The following NISCH variants were observed in gnomAD, a reference collection of about 807,000 sequenced individuals.
NISCH encodes the protein I-1 receptor candidate protein.
Under a neutral mutation model 138.4 loss-of-function variants are expected in NISCH, and 55 were observed. The ratio of observed to expected loss-of-function variants is 0.40; its 90% CI spans 0.32 to 0.50. The LOEUF is 0.50. NISCH is among the 20% of genes least tolerant of loss of function. NISCH has a pLI of 0.71. For synonymous variants in NISCH, 860 were observed against 861.5 expected, an observed-to-expected ratio of 1.00 and a Z score of 0.03; for missense variants, 1,643 against 2,005.5, an observed-to-expected ratio of 0.82 and a Z score of 3.45.
chr3:52,468,936 A>C (rs1439705942), intron 3 of NISCH, among the ~76,000 whole-genome samples: 2 of 152,198 alleles, frequency 1.3e-5, no homozygotes, highest in African/African-American at 4.8e-5. Flanking sequence ...CAATGTAAAA[A>C]TGAAAAACCT....
At chr3:52,480,810 T>C (rs953832269) in intron 13 of NISCH, 5 of 1,507,454 alleles carry the variant, frequency 3.3e-6, no homozygotes, top group South Asian at 2.5e-5. Context: ...TGTGGACCCA[T>C]GGAAGACCAG....
intron 19 of NISCH, among the ~76,000 whole-genome samples, 177 bp downstream of exon 19, chr3:52,491,010 C>G (rs1212037860): frequency 6.6e-6 from 1 of 152,258 alleles, no homozygotes; most frequent in African/African-American, 2.4e-5. Flanking sequence ...AGAACTCACG[C>G]TCCAGGGCTC....
chr3:52,485,685 A>T (rs1707383628), intron 14 of NISCH, 93 bp from the exon 15 acceptor site: 2 of 1,385,464 alleles, frequency 1.4e-6, no homozygotes, highest in African/African-American at 1.4e-5. Flanking sequence ...GCGGTGATGG[A>T]GGGCAGAATG....
intron 6 of NISCH, 99 bp downstream of exon 6, chr3:52,472,497 C>T: frequency 1.8e-6 from 2 of 1,110,300 alleles, no homozygotes; most frequent in Non-Finnish European, 2.7e-6. Context: ...AGGTGCTGTG[C>T]TTTCGTGTTT....
intron 13 of NISCH, among the ~76,000 whole-genome samples, chr3:52,483,379 T>C (rs147471320): frequency 1.2e-4 from 18 of 152,304 alleles, no homozygotes; most frequent in African/African-American, 4.3e-4. Context: ...CTAGGGCTCC[T>C]GTAGGCCTCA....
chr3:52,457,699 T>C, intron 1 of NISCH, 144 bp from the exon 2 acceptor site: 1 of 686,512 alleles, frequency 1.5e-6, no homozygotes, highest in Non-Finnish European at 2.7e-6. Context: ...CAGCCTGACT[T>C]TGGCCTTGGG....
chr3:52,470,322 AG>A (rs1278447622), intron 3 of NISCH, among the ~76,000 whole-genome samples: 1 of 152,160 alleles, frequency 6.6e-6, no homozygotes, highest in East Asian at 1.9e-4. Context: ...TGAATCTGGA[AG>A]GGATGAACAC....
intron 11 of NISCH, among the ~76,000 whole-genome samples, chr3:52,478,973 A>C (rs570026418): frequency 6.6e-6 from 1 of 152,146 alleles, no homozygotes; most frequent in South Asian, 2.1e-4. Flanking sequence ...GACACCCTTA[A>C]CCAGGTTCAC....
chr3:52,485,441 G>A (rs925383369), intron 14 of NISCH, among the ~76,000 whole-genome samples: 4 of 152,196 alleles, frequency 2.6e-5, no homozygotes, highest in African/African-American at 7.2e-5. Context: ...AGTTAGGGTC[G>A]GACCAAATTT....
At chr3:52,459,621 A>T (rs891720505) in intron 3 of NISCH, among the ~76,000 whole-genome samples, 5 of 151,750 alleles carry the variant, frequency 3.3e-5, no homozygotes, top group African/African-American at 4.8e-5. Flanking sequence ...TTTAGTAGAG[A>T]TGGGGTTTCA....
At chr3:52,459,456 C>T (rs959228273) in intron 3 of NISCH, among the ~76,000 whole-genome samples, 23 of 152,282 alleles carry the variant, frequency 1.5e-4, no homozygotes, top group African/African-American at 4.8e-4. Context: ...GCTTTTGAGA[C>T]GGAGTCTTGC....
At chr3:52,481,002 C>T (rs1438379453) in intron 13 of NISCH, 25 of 1,414,386 alleles carry the variant, frequency 1.8e-5, no homozygotes, top group South Asian at 3.2e-5. Context: ...CAGGAAAGGA[C>T]GCCGCCTGCC....
At chr3:52,473,537 A>G (rs1707007964) in intron 6 of NISCH, among the ~76,000 whole-genome samples, 197 bp from the exon 7 acceptor site, 1 of 152,128 alleles carries the variant, frequency 6.6e-6, no homozygotes, top group South Asian at 2.1e-4. Context: ...CACCTTTCTT[A>G]CTAGATACTT....
chr3:52,457,927 G>T lies in NISCH; in HGVS notation c.177+1G>T, dbSNP rs1375603768. 2 of 1,603,734 alleles carry T rather than the reference G, an allele frequency of 1.2e-6. No homozygotes were observed. The highest frequency in any genetic ancestry group is 1.7e-6 in the Non-Finnish European group (2 of 1,171,272). On this transcript the variant is annotated splice_donor_variant, in intron 2 of 20. Transcript: ENST00000345716. LOFTEE classifies it high-confidence loss of function. ...CGACTTCCATGACCTGCATGAAAAG[G>T]TAACTGTTAAGAGCTGGGAGCACGT...
Position 52,455,613 on chromosome 3 carries a change from C to G in NISCH, c.-29C>G. ...GCCCCCTGCTGCTGCTAGTCTGCGCCGGGCGGCGGTGGCGGCGGAGACCCG... is the reference window on the plus strand; with the variant it reads ...GCCCCCTGCTGCTGCTAGTCTGCGCGGGGCGGCGGTGGCGGCGGAGACCCG... On this transcript the variant is annotated 5_prime_UTR_variant, in exon 1 of 21. Transcript: ENST00000345716. 2 of 1,293,824 alleles carry G rather than the reference C, an allele frequency of 1.5e-6. No homozygotes were observed. Among genetic ancestry groups the G allele is most frequent in the Non-Finnish European group, 2.0e-6 (2 of 1,014,460 alleles). 80.1% of individuals were successfully genotyped at this position (1,293,824 alleles called of 1,614,324 possible). A position where few individuals can be genotyped will look rare whatever the true frequency, so the allele number is the denominator to read the frequency against.
rs774588760 is a variant in NISCH, at chr3:52,487,249, T to G, written c.1757T>G (p.Ile586Ser). 3 of 1,614,102 alleles carry G rather than the reference T, an allele frequency of 1.9e-6. No individual in the cohort carries two copies. Among genetic ancestry groups the G allele is most frequent in the Non-Finnish European group, 2.5e-6 (3 of 1,180,038 alleles). Residue 586 changes from isoleucine (I) to serine (S), a missense_variant, in exon 16 of 21, where the codon ATC becomes AGC. Physicochemically the swap from Ile to Ser is moderately radical, Grantham distance 142. Coordinates refer to ENST00000345716, the MANE Select transcript of NISCH (RefSeq NM_007184.4). The surrounding 1 kb of genome is among the most constrained non-coding windows in gnomAD (Gnocchi z 9.1). ...VQVVPGSGQI[I>S]FLPFTCIGYT... ...GTGGTGCCGGGGTCTGGCCAGATCA[T>G]CTTCCTGCCCTTCACCTGCATTGGC...
intron 13 of NISCH, chr3:52,481,182 G>A: frequency 8.4e-7 from 1 of 1,187,830 alleles, no homozygotes; most frequent in Non-Finnish European, 1.0e-6. Flanking sequence ...GCTCACCACT[G>A]CCAAAACACG....
chr3:52,479,802 G>A lies in NISCH; in HGVS notation c.1356G>A (p.Val452=), dbSNP rs1195633393. Residue 452 remains valine (V), a synonymous_variant, in exon 12 of 21, where the codon GTG becomes GTA. Transcript: ENST00000345716. ...TTEKELDTVE[V]LKAIQKAKEV... ...AGAAGGAGCTGGACACTGTGGAAGT[G>A]CTGAAAGCAATTCAGAAAGCCAAGG... 3 of 1,613,882 alleles carry A rather than the reference G, an allele frequency of 1.9e-6. No homozygotes were observed. The highest frequency in any genetic ancestry group is 2.2e-5 in the East Asian group (1 of 44,884).
chr3:52,487,664 G>A lies in NISCH; in HGVS notation c.2172G>A (p.Gln724=). 6.2e-7 allele frequency: 1 copy of A among 1,613,780 alleles called. No homozygotes were observed. The highest frequency in any genetic ancestry group is 2.2e-5 in the East Asian group (1 of 44,882). The part of the protein sequence containing the change: ...FLIHVQGSIR[Q]FAACLVLTDF... ...TCCATGTGCAGGGCAGTATCCGCCA[G>A]TTCGCCGCCTGCCTTGTGCTCACCG... is the stretch of plus-strand genomic sequence containing the variant. Residue 724 remains glutamine, a synonymous_variant, in exon 16 of 21, where the codon CAG becomes CAA. Transcript: ENST00000345716. The surrounding 1 kb of genome is among the most constrained non-coding windows in gnomAD (Gnocchi z 9.1).
Sources: gnomAD v4.1 joint callset for allele counts (sites outside exome capture counted in the v4.1 genomes callset) on GRCh38, gnomAD v4.1.1 for gene constraint, Gnocchi (gnomAD v3.1) non-coding constraint, MANE v1.5 for transcripts, NCBI Gene and HGNC (gene_info 2026-07-23, HGNC 2026-07-21) for gene names.